The following TRHDE variants were observed in gnomAD, a reference collection of about 807,000 sequenced individuals.
The protein encoded by TRHDE is thyrotropin-releasing hormone-degrading ectoenzyme.
Under a neutral mutation model 125.7 loss-of-function variants are expected in TRHDE, and 72 were observed. The ratio of observed to expected loss-of-function variants is 0.57; its 90% CI spans 0.47 to 0.70. The LOEUF is 0.70. Ranked by LOEUF, TRHDE falls within the 30% of genes least tolerant of loss-of-function variation. TRHDE has a pLI of 0.00. For missense variants in TRHDE, 1,110 were observed against 1,327.1 expected (o/e 0.84, Z 2.54); for synonymous variants, 509 against 509.1 (o/e 1.00, Z 0.00).
intron 2 of TRHDE, among the ~76,000 whole-genome samples, chr12:72,267,336 A>G (rs1412370160): frequency 1.3e-5 from 2 of 152,152 alleles, no homozygotes; most frequent in Non-Finnish European, 2.9e-5. Flanking sequence ...AAATAAAGAT[A>G]TAACTTTCTT....
chr12:72,391,443 T>G (rs1872607517), intron 3 of TRHDE, among the ~76,000 whole-genome samples: 1 of 152,166 alleles, frequency 6.6e-6, no homozygotes, highest in Non-Finnish European at 1.5e-5. Flanking sequence ...AATGCCATTT[T>G]TTAGTTGGAG....
At chr12:72,456,176 C>T (rs11179214) in intron 3 of TRHDE, among the ~76,000 whole-genome samples, 9 of 140,520 alleles carry the variant, frequency 6.4e-5, no homozygotes, top group African/African-American at 2.3e-4. Context: ...CACACACACA[C>T]AGAGACTCAG....
At position 72,154,232 on chromosome 12, in the gene TRHDE, T is replaced by A. The variant is rs538047524; in HGVS notation, n.279+48480T>A. ...TAGGATTGCAACCCCTGCCTTTTTT[T>A]GTTTTCCATTTGCTTGGTAGATCTT... On this transcript the variant is annotated intron_variant and non_coding_transcript_variant, in intron 2 of 4. Coordinates refer to the TRHDE transcript ENST00000548156. Among the ~76,000 whole-genome samples, 306 of 152,298 alleles carry A rather than the reference T, an allele frequency of 2.0e-3. 2 individuals carry two copies. The highest frequency in any genetic ancestry group is 7.1e-3 in the African/African-American group (297 of 41,558).
Position 72,425,254 on chromosome 12 carries a change from T to A in TRHDE, c.1316-44504T>A, listed in dbSNP as rs117463508. 3.8e-3 allele frequency among the ~76,000 whole-genome samples: 572 copies of A among 152,236 alleles called. 10 individuals are homozygous for A. In the East Asian group the frequency reaches 0.068, roughly 18 times the overall value. ...TTTTCCTTGGAAAACTATAGCGGAT[T>A]GGTTTTATTTTTCTGTTTGGTTCCA... On this transcript the variant is annotated intron_variant, in intron 3 of 18. Transcript: ENST00000261180.
At chr12:72,400,298 G>T (rs1422505175) in intron 3 of TRHDE, among the ~76,000 whole-genome samples, 1 of 152,092 alleles carries the variant, frequency 6.6e-6, no homozygotes, top group Non-Finnish European at 1.5e-5. Flanking sequence ...TGGTTTTTGA[G>T]AGTTATTACA....
At chr12:72,465,055 GT>G (rs1286896742) in intron 3 of TRHDE, among the ~76,000 whole-genome samples, 1 of 152,058 alleles carries the variant, frequency 6.6e-6, no homozygotes, top group African/African-American at 2.4e-5. Context: ...ATTTTCTTCT[GT>G]TTTCAAGGCA....
intron 7 of TRHDE, among the ~76,000 whole-genome samples, chr12:72,553,333 C>CA (rs1476413888): frequency 2.0e-5 from 3 of 152,076 alleles, no homozygotes; most frequent in Middle Eastern, 3.4e-3. Flanking sequence ...GACAGTACAA[C>CA]AAAAAAGATG....
At chr12:72,109,413 G>A (rs1326555148) in intron 2 of TRHDE, among the ~76,000 whole-genome samples, 3 of 152,024 alleles carry the variant, frequency 2.0e-5, no homozygotes, top group Non-Finnish European at 2.9e-5. Context: ...ATGCTTGGCT[G>A]CATATAACAG....
chr12:72,459,307 A>G (rs529377458), intron 3 of TRHDE, among the ~76,000 whole-genome samples: 1 of 152,284 alleles, frequency 6.6e-6, no homozygotes, highest in Non-Finnish European at 1.5e-5. Context: ...TCTGTGTGCA[A>G]CCTTAATTCC....
chr12:72,526,062 T>C (rs552409571), intron 6 of TRHDE, among the ~76,000 whole-genome samples: 98 of 152,236 alleles, frequency 6.4e-4, no homozygotes, highest in Non-Finnish European at 1.3e-3. Flanking sequence ...CCTCCATTTT[T>C]CCAGAAAAAA....
chr12:72,558,503 T>C (rs1870026755), intron 7 of TRHDE, among the ~76,000 whole-genome samples: 1 of 152,172 alleles, frequency 6.6e-6, no homozygotes, highest in South Asian at 2.1e-4. Flanking sequence ...GACAAGATTA[T>C]GAGGGCCATT....
At chr12:72,658,302 G>A (rs1375647438) in intron 18 of TRHDE, among the ~76,000 whole-genome samples, 1 of 152,152 alleles carries the variant, frequency 6.6e-6, no homozygotes, top group African/African-American at 2.4e-5. Context: ...GTATTTAAAT[G>A]AAGTACTTTT....
intron 12 of TRHDE, among the ~76,000 whole-genome samples, chr12:72,604,361 C>A (rs900978019): frequency 1.3e-5 from 2 of 152,002 alleles, no homozygotes; most frequent in Non-Finnish European, 2.9e-5. Flanking sequence ...CAGTTTCTGT[C>A]ATTTTATCTA....
At chr12:72,189,635 T>A (rs1197282911) in intron 2 of TRHDE, among the ~76,000 whole-genome samples, 2 of 152,132 alleles carry the variant, frequency 1.3e-5, no homozygotes, top group Non-Finnish European at 2.9e-5. Flanking sequence ...GAGAGACCAG[T>A]GATTTGGGAT....
chr12:72,506,772 A>G (rs1292830222), intron 6 of TRHDE, among the ~76,000 whole-genome samples: 14 of 152,158 alleles, frequency 9.2e-5, no homozygotes, highest in African/African-American at 3.4e-4. Context: ...AGAGACAAGG[A>G]TATCTTGTCT....
chr12:72,652,661 T>C (rs1356279133), intron 16 of TRHDE, among the ~76,000 whole-genome samples, 172 bp downstream of exon 16: 1 of 146,022 alleles, frequency 6.8e-6, no homozygotes, highest in Admixed American at 6.9e-5. Context: ...ATTTCAGAGG[T>C]TATATCTTTT....
chr12:72,344,916 AAG>A (rs1277195931), intron 2 of TRHDE, among the ~76,000 whole-genome samples: 4 of 152,136 alleles, frequency 2.6e-5, no homozygotes, highest in Non-Finnish European at 4.4e-5. Context: ...GGATTAAAAA[AAG>A]AGGTTCATGT....
At chr12:72,123,342 A>G (rs1208317363) in intron 2 of TRHDE, among the ~76,000 whole-genome samples, 5 of 152,176 alleles carry the variant, frequency 3.3e-5, no homozygotes, top group South Asian at 4.1e-4. Context: ...CAATAGTAAT[A>G]AATATCTATT....
At chr12:72,460,613 G>A (rs1186045665) in intron 3 of TRHDE, among the ~76,000 whole-genome samples, 3 of 152,110 alleles carry the variant, frequency 2.0e-5, no homozygotes, top group African/African-American at 7.2e-5. Flanking sequence ...TTAATAGGAA[G>A]GAACCTTACA....
Sources: allele counts gnomAD v4.1 joint callset (sites outside exome capture counted in the v4.1 genomes callset), GRCh38; gene constraint gnomAD v4.1.1; transcripts MANE v1.5; gene names NCBI Gene and HGNC (gene_info 2026-07-23, HGNC 2026-07-21).